The following EIPR1 variants were observed in gnomAD, a reference collection of about 807,000 sequenced individuals.
The protein encoded by EIPR1 is EARP and GARP complex-interacting protein 1.
A neutral mutation model predicts 48.1 loss-of-function variants in EIPR1; 25 were observed. The observed-to-expected ratio is 0.52, with a 90% confidence interval of 0.38 to 0.73. The LOEUF (loss-of-function observed/expected upper bound fraction) is 0.73. Ranked by LOEUF, EIPR1 falls within the 30% of genes least tolerant of loss-of-function variation. The probability of loss-of-function intolerance (pLI) is 0.00; values close to 1 mark genes in which losing one functional copy is unlikely to be tolerated. For missense variants in EIPR1, 415 were observed against 506.2 expected (o/e 0.82, Z 1.73); for synonymous variants, 204 against 201.9 (o/e 1.01, Z -0.09).
intron 3 of EIPR1, among the ~76,000 whole-genome samples, chr2:3,305,787 T>C (rs928689121): frequency 7.2e-5 from 11 of 152,254 alleles, no homozygotes; most frequent in Non-Finnish European, 1.6e-4. Flanking sequence ...CATTTATGTC[T>C]ATATCCAGAC....
At chr2:3,230,765 A>G (rs1666219120) in intron 4 of EIPR1, among the ~76,000 whole-genome samples, 1 of 152,212 alleles carries the variant, frequency 6.6e-6, no homozygotes, top group South Asian at 2.1e-4. Flanking sequence ...GTCTTATGAT[A>G]TAAGAAATTA....
At chr2:3,225,574 A>G (rs946119870) in intron 4 of EIPR1, among the ~76,000 whole-genome samples, 3 of 152,200 alleles carry the variant, frequency 2.0e-5, no homozygotes, top group African/African-American at 7.2e-5. Flanking sequence ...ATGCACACAC[A>G]TTGTGAAATG....
chr2:3,373,947 C>T lies in EIPR1; in HGVS notation c.42+3701G>A, dbSNP rs562282259. ...TCAATCCTAAGCCAAAAGAACAAAG[C>T]TGGAGGCATCACGCTACCTGACTTC... On this transcript the variant is annotated intron_variant, in intron 1 of 8. Coordinates refer to ENST00000382125, the MANE Select transcript of EIPR1 (RefSeq NM_003310.5). Among the ~76,000 whole-genome samples the T allele has an allele frequency of 1.8e-4, 27 of 151,150 alleles. No individual in the cohort carries two copies. In the East Asian group the frequency reaches 4.7e-3, roughly 26 times the overall value.
chr2:3,214,558 C>G, intron 4 of EIPR1: 1 of 212,970 alleles, frequency 4.7e-6, no homozygotes, highest in Non-Finnish European at 9.5e-6. Flanking sequence ...GTTTAAAATA[C>G]CGTGAGCTGA....
At chr2:3,335,276 G>A (rs917301098) in intron 3 of EIPR1, among the ~76,000 whole-genome samples, 9 of 152,224 alleles carry the variant, frequency 5.9e-5, no homozygotes, top group African/African-American at 1.2e-4. Flanking sequence ...TATGGAAGCC[G>A]GGGCCGCAGT....
chr2:3,338,760 C>T (rs1670143802), intron 2 of EIPR1, among the ~76,000 whole-genome samples: 1 of 152,170 alleles, frequency 6.6e-6, no homozygotes, highest in South Asian at 2.1e-4. Context: ...AATAGGATAA[C>T]ATTTTAGCCA....
intron 3 of EIPR1, among the ~76,000 whole-genome samples, chr2:3,313,381 G>A (rs1038790440): frequency 3.3e-5 from 5 of 152,028 alleles, no homozygotes; most frequent in Non-Finnish European, 7.4e-5. Context: ...GTGGGTGGGG[G>A]GGTTCAAGGC....
chr2:3,209,052 G>A (rs1190275598), intron 5 of EIPR1: 30 of 1,437,324 alleles, frequency 2.1e-5, no homozygotes, highest in South Asian at 9.0e-5. Flanking sequence ...TTTCCGGGAC[G>A]CCTGCTGGTG....
rs141014675 is a variant in EIPR1, at chr2:3,192,427, G to A, written c.976C>T (p.Arg326Cys). 1.7e-5 allele frequency: 27 copies of A among 1,610,982 alleles called. No individual in the cohort carries two copies. Among genetic ancestry groups the A allele is most frequent in the East Asian group, 2.2e-5 (1 of 44,790 alleles). ...GCGTGCCCTTACTTCTCTTCAGAAC[G>A]GTGGTCCTCCTGGTCACTGATGTCA... ...DDDISDQEDH[R>C]SEEKSKEPLQ... The change falls in exon 8 of 9, where the codon CGT becomes TGT. Residue 326 changes from arginine to cysteine, a missense_variant. Coordinates refer to ENST00000382125, the MANE Select transcript of EIPR1 (RefSeq NM_003310.5).
intron 5 of EIPR1, chr2:3,208,430 A>G: frequency 6.8e-7 from 1 of 1,473,590 alleles, no homozygotes; most frequent in Non-Finnish European, 9.0e-7. Flanking sequence ...TCACCTTCAG[A>G]CACTTCCTCT....
intron 3 of EIPR1, among the ~76,000 whole-genome samples, chr2:3,276,623 G>A (rs918151247): frequency 5.3e-5 from 8 of 152,228 alleles, no homozygotes; most frequent in Non-Finnish European, 1.0e-4. Context: ...GCCAGCTCAA[G>A]TCCACTACCT....
chr2:3,254,509 A>G (rs1667095732), intron 4 of EIPR1, among the ~76,000 whole-genome samples: 1 of 152,234 alleles, frequency 6.6e-6, no homozygotes, highest in Non-Finnish European at 1.5e-5. Flanking sequence ...GGAACCAGCC[A>G]CTGACCAGCA....
At chr2:3,356,983 T>C (rs1012828848) in intron 1 of EIPR1, among the ~76,000 whole-genome samples, 1 of 152,270 alleles carries the variant, frequency 6.6e-6, no homozygotes, top group Non-Finnish European at 1.5e-5. Context: ...TTTTTGCAAC[T>C]AATCAGATGT....
chr2:3,222,950 T>A (rs1351873456), intron 4 of EIPR1, among the ~76,000 whole-genome samples: 5 of 152,128 alleles, frequency 3.3e-5, no homozygotes, highest in Non-Finnish European at 7.4e-5. Context: ...GTTTTGTGTG[T>A]CTTTCTTGTT....
intron 3 of EIPR1, among the ~76,000 whole-genome samples, chr2:3,263,402 C>T (rs562350080): frequency 6.6e-6 from 1 of 152,256 alleles, no homozygotes; most frequent in Admixed American, 6.5e-5. Flanking sequence ...GAAGTTCATC[C>T]GACACTTAGT....
At chr2:3,305,864 C>T (rs575197097) in intron 3 of EIPR1, among the ~76,000 whole-genome samples, 1 of 152,310 alleles carries the variant, frequency 6.6e-6, no homozygotes, top group African/African-American at 2.4e-5. Flanking sequence ...GGTTCATAGG[C>T]TCTGTTCTCC....
chr2:3,304,449 CCG>C, intron 3 of EIPR1, among the ~76,000 whole-genome samples: 2 of 127,426 alleles, frequency 1.6e-5, no homozygotes, highest in Non-Finnish European at 3.4e-5. Context: ...CCCTTCAGTC[CCG>C]TCCAATTCAG....
At position 3,362,107 on chromosome 2, in the gene EIPR1, C is replaced by T. The variant is rs575716691; in HGVS notation, c.43-7474G>A. ...CGCACTAAGCGCCCCTGGGCACGTC[C>T]ACTCAACTAAGCTTGGACCTCAACT... On this transcript the variant is annotated intron_variant, in intron 1 of 8. Transcript: ENST00000382125. Among the ~76,000 whole-genome samples the T allele has an allele frequency of 5.3e-5, 8 of 152,346 alleles. No individual in the cohort carries two copies. In the South Asian group the frequency reaches 1.7e-3, roughly 32 times the overall value.
chr2:3,345,719 T>C (rs1670379148), intron 2 of EIPR1, among the ~76,000 whole-genome samples: 1 of 150,256 alleles, frequency 6.7e-6, no homozygotes, highest in Non-Finnish European at 1.5e-5. Context: ...CAGAAGAAAA[T>C]AAAAAAGAAA....
Sources: gnomAD v4.1 joint callset for allele counts (sites outside exome capture counted in the v4.1 genomes callset) on GRCh38, gnomAD v4.1.1 for gene constraint, MANE v1.5 for transcripts, NCBI Gene and HGNC (gene_info 2026-07-23, HGNC 2026-07-21) for gene names.